Variants in POU6F2 observed in about 807,000 individuals in gnomAD.
The protein encoded by POU6F2 is POU class 6 homeobox 2.
POU6F2 carries 31 observed loss-of-function variants against 71.3 expected under a neutral mutation model. The ratio of observed to expected loss-of-function variants is 0.43; its 90% CI spans 0.33 to 0.59. The LOEUF is 0.59. Ranked by LOEUF, POU6F2 falls within the 20% of genes least tolerant of loss-of-function variation. The pLI is 0.04. For synonymous variants in POU6F2, 347 were observed against 355.7 expected (o/e 0.98, Z 0.27); for missense variants, 783 against 856.8 (o/e 0.91, Z 1.07).
intron 1 of POU6F2, among the ~76,000 whole-genome samples, chr7:39,000,676 T>C (rs1788880172): frequency 6.6e-6 from 1 of 152,174 alleles, no homozygotes; most frequent in Admixed American, 6.5e-5. Flanking sequence ...CAAACATATT[T>C]GTTGAAATGG....
intron 2 of POU6F2, among the ~76,000 whole-genome samples, chr7:39,167,493 C>T (rs562149585): frequency 1.3e-5 from 2 of 152,136 alleles, no homozygotes; most frequent in Admixed American, 6.5e-5. Flanking sequence ...GATATCTTTG[C>T]GTCAGTGTGA....
At chr7:39,132,062 A>G (rs538994636) in intron 2 of POU6F2, among the ~76,000 whole-genome samples, 1 of 152,196 alleles carries the variant, frequency 6.6e-6, no homozygotes, top group Non-Finnish European at 1.5e-5. Context: ...ATTATTGACT[A>G]TAGTCACCCT....
At chr7:39,163,331 G>A (rs528668476) in intron 2 of POU6F2, among the ~76,000 whole-genome samples, 1 of 152,332 alleles carries the variant, frequency 6.6e-6, no homozygotes, top group South Asian at 2.1e-4. Context: ...TATGAAAATT[G>A]TGGAGAAGTT....
At chr7:39,319,583 G>A (rs1785344084) in intron 4 of POU6F2, among the ~76,000 whole-genome samples, 1 of 152,150 alleles carries the variant, frequency 6.6e-6, no homozygotes, top group Admixed American at 6.5e-5. Context: ...TGTCACTCAT[G>A]TGACCCACAT....
At chr7:39,114,467 C>T (rs891270303) in intron 2 of POU6F2, among the ~76,000 whole-genome samples, 6 of 152,108 alleles carry the variant, frequency 3.9e-5, no homozygotes, top group Admixed American at 2.6e-4. Flanking sequence ...TTTTCAAAGG[C>T]CCAAAGCAAT....
rs1181172660 is a variant in POU6F2, at chr7:39,280,840, A to G, written c.599-58802A>G. Among the ~76,000 whole-genome samples the G allele has an allele frequency of 2.6e-5, 4 of 152,326 alleles. No homozygotes were observed. The South Asian group carries it at 6.2e-4, about 24-fold the overall frequency. On this transcript the variant is annotated intron_variant, in intron 4 of 9. Coordinates refer to ENST00000518318, the MANE Select transcript of POU6F2 (RefSeq NM_001370959.1). ...TGAATGAAGACATCTTCTGCCTACAAAGTAATCATCAGATCCTATATTTGC... is the reference window on the plus strand; with the variant it reads ...TGAATGAAGACATCTTCTGCCTACAGAGTAATCATCAGATCCTATATTTGC...
chr7:39,386,398 A>G (rs976454206), intron 5 of POU6F2, among the ~76,000 whole-genome samples: 1 of 152,174 alleles, frequency 6.6e-6, no homozygotes, highest in Non-Finnish European at 1.5e-5. Flanking sequence ...AACCCAGACA[A>G]TATGACTCCA....
intron 4 of POU6F2, among the ~76,000 whole-genome samples, chr7:39,234,620 T>A (rs1794638900): frequency 6.6e-6 from 1 of 152,162 alleles, no homozygotes; most frequent in East Asian, 1.9e-4. Flanking sequence ...GTGTTTTGTT[T>A]GTCTATTGGC....
intron 4 of POU6F2, among the ~76,000 whole-genome samples, chr7:39,268,563 T>C (rs1784289869): frequency 6.6e-6 from 1 of 152,154 alleles, no homozygotes; most frequent in South Asian, 2.1e-4. Flanking sequence ...CCTTTGTCAC[T>C]TTGTATTCCG....
chr7:39,445,167 G>T (rs1788494631), intron 7 of POU6F2, among the ~76,000 whole-genome samples: 1 of 152,160 alleles, frequency 6.6e-6, no homozygotes, highest in African/African-American at 2.4e-5. Flanking sequence ...AATGTATTCA[G>T]TTACTAATTT....
chr7:39,028,357 T>C (rs1789864286), intron 1 of POU6F2, among the ~76,000 whole-genome samples: 1 of 152,172 alleles, frequency 6.6e-6, no homozygotes, highest in South Asian at 2.1e-4. Context: ...TCATGTTTGT[T>C]TCTCTTACTA....
intron 4 of POU6F2, among the ~76,000 whole-genome samples, chr7:39,265,761 G>T (rs1562769507): frequency 2.0e-5 from 3 of 151,992 alleles, no homozygotes; most frequent in Admixed American, 1.3e-4. Flanking sequence ...CAGTTTTAAG[G>T]GTTTTAAAAT....
chr7:39,360,695 A>G (rs1455401341), intron 5 of POU6F2, among the ~76,000 whole-genome samples: 1 of 152,258 alleles, frequency 6.6e-6, no homozygotes, highest in Admixed American at 6.5e-5. Context: ...TTCCATAGGC[A>G]GAGGAGCCCC....
In POU6F2 at chr7:39,411,421, T is replaced by G. The variant is rs954076942; in HGVS notation, c.1113+4681T>G. 4.6e-5 allele frequency among the ~76,000 whole-genome samples: 7 copies of G among 152,216 alleles called. No individual in the cohort carries two copies. The East Asian group carries it at 1.3e-3, about 29-fold the overall frequency. ...GGTGCTAAAGAAAGCATTCTACATT[T>G]TAACTGAAGCTCAGAATGTTTCCTG... On this transcript the variant is annotated intron_variant, in intron 6 of 9. Coordinates refer to ENST00000518318, the MANE Select transcript of POU6F2 (RefSeq NM_001370959.1).
chr7:39,007,756 T>A (rs967680801), intron 1 of POU6F2, among the ~76,000 whole-genome samples: 38 of 151,144 alleles, frequency 2.5e-4, no homozygotes, highest in African/African-American at 9.0e-4. Flanking sequence ...AGTTCCCACC[T>A]ATGAGTGAGA....
At chr7:39,236,250 G>C (rs1048702078) in intron 4 of POU6F2, among the ~76,000 whole-genome samples, 1 of 152,082 alleles carries the variant, frequency 6.6e-6, no homozygotes, top group Non-Finnish European at 1.5e-5. Flanking sequence ...AAATATTAAT[G>C]GATGCATTCA....
chr7:39,152,394 C>G (rs1792779188), intron 2 of POU6F2, among the ~76,000 whole-genome samples: 1 of 152,126 alleles, frequency 6.6e-6, no homozygotes, highest in South Asian at 2.1e-4. Flanking sequence ...CTCCTGGCCA[C>G]TGGAGAGAGA....
intron 4 of POU6F2, among the ~76,000 whole-genome samples, chr7:39,271,508 A>C (rs1784338446): frequency 6.6e-6 from 1 of 151,966 alleles, no homozygotes; most frequent in East Asian, 1.9e-4. Flanking sequence ...AAAAAAAAAA[A>C]AAAAACCCTA....
At chr7:39,170,183 T>TA (rs915493463) in intron 2 of POU6F2, among the ~76,000 whole-genome samples, 44 of 152,114 alleles carry the variant, frequency 2.9e-4, no homozygotes, top group Middle Eastern at 3.4e-3. Flanking sequence ...ATAATAATAA[T>TA]AAAAAAAATT....
Sources: gnomAD v4.1 joint callset for allele counts (sites outside exome capture counted in the v4.1 genomes callset) on GRCh38, gnomAD v4.1.1 for gene constraint, MANE v1.5 for transcripts, NCBI Gene and HGNC (gene_info 2026-07-23, HGNC 2026-07-21) for gene names.